Variants in GALC observed in about 807,000 individuals in gnomAD.
GALC encodes the protein galactocerebrosidase.
Under a neutral mutation model 91.8 loss-of-function variants are expected in GALC, and 77 were observed. That is an observed-to-expected ratio of 0.84 (90% CI 0.70 to 1.01). GALC has a LOEUF of 1.01. Ranked by LOEUF, GALC falls within the 50% of genes least tolerant of loss-of-function variation. The probability of loss-of-function intolerance (pLI) is 0.00; values close to 1 mark genes in which losing one functional copy is unlikely to be tolerated. For synonymous variants in GALC, 357 were observed against 306.7 expected (o/e 1.16, Z -1.71); for missense variants, 882 against 855.9 (o/e 1.03, Z -0.38).
At chr14:87,974,579 C>T (rs576660021) in intron 7 of GALC, among the ~76,000 whole-genome samples, 1 of 151,906 alleles carries the variant, frequency 6.6e-6, no homozygotes, top group East Asian at 1.9e-4. Flanking sequence ...TGGACAAAAT[C>T]GTTAAGATAC....
Position 87,968,482 on chromosome 14 carries a change from T to C in GALC, c.761A>G (p.Tyr254Cys). ...FKVVDVIGAH[Y>C]PGTHSAKDAK... is the part of the protein sequence containing the mutation. Reference sequence around the variant, plus strand: ...ATCTTTTGCTGAATGGGTTCCAGGATAATGAGCCCTAGAAAAAAAAAGGGT... The same window carrying C: ...ATCTTTTGCTGAATGGGTTCCAGGACAATGAGCCCTAGAAAAAAAAAGGGT... Residue 254 changes from tyrosine (Y) to cysteine (C), a missense_variant, in exon 8 of 17, where the codon TAT (tyrosine) becomes TGT (cysteine). Physicochemically the swap from Tyr to Cys is radical, Grantham distance 194 (BLOSUM62 -2). Coordinates refer to ENST00000261304, the MANE Select transcript of GALC (RefSeq NM_000153.4). 1.2e-6 allele frequency: 2 copies of C among 1,613,568 alleles called. No individual in the cohort carries two copies. The highest frequency in any genetic ancestry group is 1.7e-6 in the Non-Finnish European group (2 of 1,179,768).
chr14:87,973,139 A>T (rs1047935587), intron 7 of GALC, among the ~76,000 whole-genome samples: 9 of 152,170 alleles, frequency 5.9e-5, no homozygotes, highest in African/African-American at 2.2e-4. Flanking sequence ...CATATTTGAG[A>T]ATTAAAAAAG....
chr14:87,954,009 G>C, intron 10 of GALC: 2 of 1,609,160 alleles, frequency 1.2e-6, no homozygotes, highest in Non-Finnish European at 1.7e-6. Context: ...AATTTTACTC[G>C]CAGATGTTGT....
intron 7 of GALC, among the ~76,000 whole-genome samples, chr14:87,972,234 C>T (rs1227227125): frequency 6.6e-6 from 1 of 152,158 alleles, no homozygotes; most frequent in African/African-American, 2.4e-5. Context: ...CTATATATAA[C>T]AACATGCATT....
At chr14:87,936,151 T>C (rs1884557227) in intron 16 of GALC, among the ~76,000 whole-genome samples, 3 of 152,044 alleles carry the variant, frequency 2.0e-5, no homozygotes, top group Non-Finnish European at 4.4e-5. Flanking sequence ...ACCTGCCACT[T>C]GGTCTGCTCA....
chr14:87,982,748 T>A (rs79844015), intron 5 of GALC, among the ~76,000 whole-genome samples: 1 of 152,328 alleles, frequency 6.6e-6, no homozygotes, highest in African/African-American at 2.4e-5. Context: ...GGAACATATA[T>A]ACATCTATTA....
In GALC at chr14:87,968,500, A is replaced by G; in HGVS notation, c.753-10T>C. The G allele has an allele frequency of 6.2e-7, 1 of 1,613,758 alleles. No homozygotes were observed. Among genetic ancestry groups the G allele is most frequent in the East Asian group, 2.2e-5 (1 of 44,864 alleles). Reference sequence around the variant, plus strand: ...TCCAGGATAATGAGCCCTAGAAAAAAAAAGGGTGGAAGTCAATGAAAAAAG... The same window carrying G: ...TCCAGGATAATGAGCCCTAGAAAAAGAAAGGGTGGAAGTCAATGAAAAAAG... On this transcript the variant is annotated splice_polypyrimidine_tract_variant and intron_variant, in intron 7 of 16. Transcript: ENST00000261304.
intron 1 of GALC, among the ~76,000 whole-genome samples, 168 bp from the exon 2 acceptor site, chr14:87,988,691 T>C (rs759156067): frequency 2.0e-5 from 3 of 152,166 alleles, no homozygotes; most frequent in Admixed American, 6.5e-5. Flanking sequence ...TGCCAATCAT[T>C]GGGCAAGTAG....
In GALC at chr14:87,933,783, AAAGT is replaced by A. The variant is rs1489326218; in HGVS notation, c.*945_*948del. 2.3e-5 allele frequency: 12 copies of A among 510,836 alleles called. No individual in the cohort carries two copies. The highest frequency in any genetic ancestry group is 2.3e-4 in the East Asian group (8 of 34,776). 31.6% of individuals were successfully genotyped at this position (510,836 alleles called of 1,614,324 possible). On this transcript the variant is annotated 3_prime_UTR_variant, in exon 17 of 17. Transcript: ENST00000261304. ...AAATATAAACATATTTGGACTTTAA[AAAGT>A]AAGTACATCTTAGGAGATGATCCAA...
At chr14:87,957,061 T>A (rs570113158) in intron 10 of GALC, among the ~76,000 whole-genome samples, 130 of 152,246 alleles carry the variant, frequency 8.5e-4, no homozygotes, top group Non-Finnish European at 1.6e-3. Flanking sequence ...TATAGACATA[T>A]CTTCTTTTAA....
At chr14:87,955,037 TG>T in intron 10 of GALC, 3 of 1,350,896 alleles carry the variant, frequency 2.2e-6, no homozygotes, top group Non-Finnish European at 3.2e-6. Flanking sequence ...GGGATGGTCA[TG>T]GCAGACCTGT....
Position 87,974,049 on chromosome 14 carries a change from T to C in GALC, c.752+2309A>G, listed in dbSNP as rs149216278. On this transcript the variant is annotated intron_variant, in intron 7 of 16. Coordinates refer to ENST00000261304, the MANE Select transcript of GALC (RefSeq NM_000153.4). ...TAGCAGAATAGCTTGTATTAGTACA[T>C]GGATAGTATAAATCATTCAATAACA... Among the ~76,000 whole-genome samples the C allele has an allele frequency of 2.8e-3, 432 of 152,298 alleles. 3 individuals carry two copies. The highest frequency in any genetic ancestry group is 9.9e-3 in the African/African-American group (410 of 41,568).
At chr14:87,992,915 C>T in intron 1 of GALC, 55 bp downstream of exon 1, 1 of 1,473,920 alleles carries the variant, frequency 6.8e-7, no homozygotes, top group South Asian at 1.3e-5. Flanking sequence ...GTGGGGCTGG[C>T]CCCACGGGGC....
rs1885405780 is a variant in GALC, at chr14:87,953,777, G to T, written c.1162-3029C>A. 3.1e-6 allele frequency: 5 copies of T among 1,604,532 alleles called. No individual in the cohort carries two copies. The African/African-American group carries it at 5.4e-5, about 17-fold the overall frequency. The stretch of plus-strand genomic sequence containing the variant: ...TCTGAATTTAAGGGTATTAAAAAAA[G>T]TCATTAATAAAAAACTGTGATTCTA... On this transcript the variant is annotated intron_variant, in intron 10 of 16. Coordinates refer to ENST00000261304, the MANE Select transcript of GALC (RefSeq NM_000153.4).
intron 13 of GALC, among the ~76,000 whole-genome samples, chr14:87,946,045 A>G (rs1329677314): frequency 6.6e-6 from 1 of 152,046 alleles, no homozygotes; most frequent in Non-Finnish European, 1.5e-5. Flanking sequence ...CGCCCTGGAC[A>G]AGCTATTTAA....
intron 10 of GALC, among the ~76,000 whole-genome samples, chr14:87,951,845 A>C (rs1384286614): frequency 6.6e-6 from 1 of 151,984 alleles, no homozygotes; most frequent in Non-Finnish European, 1.5e-5. Context: ...ACTTAGGAGG[A>C]CATTTACAGC....
Position 87,933,924 on chromosome 14 carries a change from A to T in GALC, c.*808T>A. The T allele has an allele frequency of 7.1e-7, 1 of 1,416,206 alleles. No individual in the cohort carries two copies. The highest frequency in any genetic ancestry group is 9.6e-7 in the Non-Finnish European group (1 of 1,038,066). The allele number at this position is 1,416,206 out of a possible 1,614,324, so 87.7% of individuals were successfully genotyped here. ...CAGTGCACATGTGAGGACAGACCAC[A>T]GCACAGTGAGATGAGGCTGAGGAAA... On this transcript the variant is annotated 3_prime_UTR_variant, in exon 17 of 17. Transcript: ENST00000261304.
upstream of GALC, chr14:87,993,624 A>C (rs1887340149): frequency 3.0e-6 from 2 of 666,042 alleles, no homozygotes; most frequent in South Asian, 1.8e-5. Flanking sequence ...TGAGGCGAGA[A>C]GAGCAGCAGA....
chr14:87,970,704 C>CAAA (rs78291928), intron 7 of GALC, among the ~76,000 whole-genome samples: 5 of 115,948 alleles, frequency 4.3e-5, no homozygotes, highest in African/African-American at 9.3e-5. Flanking sequence ...ACTAAAAATA[C>CAAA]AAAAAAAAAA....
Sources: allele counts gnomAD v4.1 joint callset (sites outside exome capture counted in the v4.1 genomes callset), GRCh38; gene constraint gnomAD v4.1.1; transcripts MANE v1.5; gene names NCBI Gene and HGNC (gene_info 2026-07-23, HGNC 2026-07-21).